The following VPS8 variants were observed in gnomAD, a reference collection of about 807,000 sequenced individuals.
The protein encoded by VPS8 is VPS8 subunit of CORVET complex, also known as vacuolar protein sorting-associated protein 8 homolog.
In VPS8, 129 loss-of-function variants were observed where a neutral mutation model predicts 216.4. That is an observed-to-expected ratio of 0.60 (90% CI 0.52 to 0.69). The LOEUF (loss-of-function observed/expected upper bound fraction) is 0.69. Ranked by LOEUF, VPS8 falls within the 30% of genes least tolerant of loss-of-function variation. The pLI is 0.00. For missense variants in VPS8, 1,531 were observed against 1,683.5 expected (o/e 0.91, Z 1.59); for synonymous variants, 571 against 565.4 (o/e 1.01, Z -0.14).
chr3:185,019,657 C>T (rs1013448825), intron 45 of VPS8, among the ~76,000 whole-genome samples: 1 of 152,178 alleles, frequency 6.6e-6, no homozygotes, highest in Non-Finnish European at 1.5e-5. Context: ...CCTGGGTGGG[C>T]CAGGTGTTCC....
At chr3:184,869,641 T>A in intron 20 of VPS8, 113 bp downstream of exon 20, 1 of 1,030,376 alleles carries the variant, frequency 9.7e-7, no homozygotes, top group Non-Finnish European at 1.4e-6. Flanking sequence ...GAGAGTGTAT[T>A]AAAAAACACA....
intron 40 of VPS8, among the ~76,000 whole-genome samples, chr3:184,975,136 A>G (rs1209607860): frequency 6.6e-6 from 1 of 152,104 alleles, no homozygotes; most frequent in African/African-American, 2.4e-5. Flanking sequence ...GAATCTACAC[A>G]TTGCTTTGGG....
intron 4 of VPS8, among the ~76,000 whole-genome samples, chr3:184,834,016 G>A (rs745796258): frequency 4.6e-5 from 7 of 152,172 alleles, no homozygotes; most frequent in Admixed American, 6.5e-5. Flanking sequence ...CAAAGTAGGT[G>A]CTCAGTAATG....
intron 34 of VPS8, 138 bp from the exon 35 acceptor site, chr3:184,936,108 A>G: frequency 1.8e-6 from 1 of 571,008 alleles, no homozygotes; most frequent in Non-Finnish European, 3.0e-6. Flanking sequence ...CTTTAAATTG[A>G]GGCCCTATAT....
At chr3:185,029,223 A>T (rs1014963076) in intron 46 of VPS8, among the ~76,000 whole-genome samples, 4 of 152,236 alleles carry the variant, frequency 2.6e-5, no homozygotes, top group African/African-American at 9.6e-5. Context: ...CTCTCTTCCC[A>T]AAGTTGCATT....
intron 25 of VPS8, among the ~76,000 whole-genome samples, chr3:184,911,344 C>T (rs896424157): frequency 1.3e-5 from 2 of 152,192 alleles, no homozygotes; most frequent in Non-Finnish European, 2.9e-5. Context: ...CTAGGAATAT[C>T]GTGAGCTAGA....
intron 24 of VPS8, among the ~76,000 whole-genome samples, chr3:184,899,873 T>C (rs1206229526): frequency 6.6e-6 from 1 of 152,266 alleles, no homozygotes; most frequent in Non-Finnish European, 1.5e-5. Context: ...GTATTCCTCA[T>C]ATTAATAAAA....
At chr3:184,901,918 G>A (rs1409058368) in intron 25 of VPS8, among the ~76,000 whole-genome samples, 1 of 152,022 alleles carries the variant, frequency 6.6e-6, no homozygotes, top group African/African-American at 2.4e-5. Flanking sequence ...GAGAGTTCCC[G>A]CTCCACATCC....
Position 185,051,996 on chromosome 3 carries a change from C to G in VPS8, c.4258C>G (p.Leu1420Val). 6.2e-7 allele frequency: 1 copy of G among 1,613,184 alleles called. No homozygotes were observed. Among genetic ancestry groups the G allele is most frequent in the Non-Finnish European group, 8.5e-7 (1 of 1,179,596 alleles). The change falls in exon 48 of 48, where the codon CTC becomes GTC. Residue 1420 changes from leucine to valine, a missense_variant. Physicochemically the swap from Leu to Val is conservative, Grantham distance 32. Transcript: ENST00000625842. Reference protein sequence around the residue: ...IFQNENFQLQLIPPPVTED With the variant: ...IFQNENFQLQVIPPPVTED Reference sequence around the variant, plus strand: ...CCAGAATGAGAACTTCCAGCTGCAGCTCATTCCTCCACCTGTGACTGAGGA... The same window carrying G: ...CCAGAATGAGAACTTCCAGCTGCAGGTCATTCCTCCACCTGTGACTGAGGA...
At chr3:184,946,598 C>A (rs559394006) in intron 36 of VPS8, among the ~76,000 whole-genome samples, 1 of 152,150 alleles carries the variant, frequency 6.6e-6, no homozygotes, top group Non-Finnish European at 1.5e-5. Flanking sequence ...TCCTGGTATA[C>A]AAGGCCCTTC....
At chr3:185,050,123 ATTT>A in intron 47 of VPS8, among the ~76,000 whole-genome samples, 1 of 139,376 alleles carries the variant, frequency 7.2e-6, no homozygotes, top group East Asian at 2.1e-4. Flanking sequence ...CTGGGAAATA[ATTT>A]TTTTTTTTTT....
chr3:184,945,353 C>T (rs1282966210), intron 36 of VPS8, among the ~76,000 whole-genome samples: 1 of 151,866 alleles, frequency 6.6e-6, no homozygotes, highest in East Asian at 1.9e-4. Flanking sequence ...ATACCAAGCA[C>T]TTGACAGGCA....
In VPS8 at chr3:184,836,995, T is replaced by C. The variant is rs541989641; in HGVS notation, c.448-1719T>C. ...TGAAAATACTAGAGATAGCTTAGTG[T>C]AGTGTTTTTTTTCAAAATGCGTCCA... On this transcript the variant is annotated intron_variant, in intron 5 of 47. Coordinates refer to ENST00000625842, the MANE Select transcript of VPS8 (RefSeq NM_001009921.3). Among the ~76,000 whole-genome samples the C allele has an allele frequency of 3.9e-5, 6 of 152,328 alleles. No homozygotes were observed. The South Asian group carries it at 1.2e-3, about 32-fold the overall frequency.
intron 45 of VPS8, among the ~76,000 whole-genome samples, chr3:185,006,984 T>TTG (rs1754349752): frequency 1.3e-5 from 2 of 152,240 alleles, no homozygotes; most frequent in Admixed American, 1.3e-4. Flanking sequence ...TTCCTGCCAC[T>TTG]TCTGTCTCAC....
At chr3:184,996,256 A>T (rs1326195008) in intron 43 of VPS8, 76 bp from the exon 44 acceptor site, 1 of 1,449,022 alleles carries the variant, frequency 6.9e-7, no homozygotes. Context: ...AACAAGTGCT[A>T]TTCACCATTC....
chr3:184,975,058 A>G (rs572191509), intron 40 of VPS8, among the ~76,000 whole-genome samples: 33 of 152,204 alleles, frequency 2.2e-4, no homozygotes, highest in African/African-American at 7.7e-4. Flanking sequence ...GTAGTTCCAT[A>G]TGAATTTTAA....
At chr3:184,911,754 C>T (rs1458696557) in intron 25 of VPS8, among the ~76,000 whole-genome samples, 1 of 152,126 alleles carries the variant, frequency 6.6e-6, no homozygotes, top group Non-Finnish European at 1.5e-5. Context: ...TCCATCTGGC[C>T]CCCTTGATTT....
intron 1 of VPS8, 136 bp from the exon 2 acceptor site, chr3:184,824,409 G>A (rs1172264301): frequency 3.8e-6 from 2 of 520,254 alleles, no homozygotes; most frequent in Non-Finnish European, 6.9e-6. Flanking sequence ...GTACCCCACT[G>A]TTAATTTCAG....
At chr3:184,979,119 T>C (rs1749777363) in intron 40 of VPS8, among the ~76,000 whole-genome samples, 1 of 152,222 alleles carries the variant, frequency 6.6e-6, no homozygotes, top group African/African-American at 2.4e-5. Flanking sequence ...TTGAGAGATC[T>C]TCTTAGTACT....
Sources: allele counts gnomAD v4.1 joint callset (sites outside exome capture counted in the v4.1 genomes callset), GRCh38; gene constraint gnomAD v4.1.1; transcripts MANE v1.5; gene names NCBI Gene and HGNC (gene_info 2026-07-23, HGNC 2026-07-21).